Variants in VEGFC observed in about 807,000 individuals in gnomAD.
The protein encoded by VEGFC is FLT4 ligand DHM.
Under a neutral mutation model 46.1 loss-of-function variants are expected in VEGFC, and 12 were observed. That is an observed-to-expected ratio of 0.26 (90% CI 0.17 to 0.42). VEGFC has a LOEUF of 0.42. Among genes scored for constraint, VEGFC ranks in the 10% least tolerant of loss-of-function variants. The pLI, the probability that VEGFC is intolerant of heterozygous loss-of-function variation, is 1.00. For synonymous variants in VEGFC, 232 were observed against 195.5 expected (o/e 1.19, Z -1.56); for missense variants, 488 against 529.4 (o/e 0.92, Z 0.77).
intron 4 of VEGFC, among the ~76,000 whole-genome samples, chr4:176,692,384 A>C (rs1398113298): frequency 7.5e-6 from 1 of 132,946 alleles, no homozygotes; most frequent in Non-Finnish European, 1.5e-5. Context: ...ACAGAGCGAG[A>C]CTCCGTCTCA....
intron 4 of VEGFC, among the ~76,000 whole-genome samples, chr4:176,709,347 T>A (rs1448572839): frequency 2.0e-5 from 3 of 152,192 alleles, no homozygotes; most frequent in Non-Finnish European, 4.4e-5. Context: ...TTGAGTGTTG[T>A]TAGCTGAATG....
At chr4:176,788,744 C>T (rs1736042700) in intron 1 of VEGFC, among the ~76,000 whole-genome samples, 1 of 152,064 alleles carries the variant, frequency 6.6e-6, no homozygotes, top group Non-Finnish European at 1.5e-5. Flanking sequence ...CGACTTTGCA[C>T]CATTGTAAAG....
intron 1 of VEGFC, among the ~76,000 whole-genome samples, chr4:176,740,205 ATATATATC>A (rs933414685): frequency 8.1e-6 from 1 of 124,120 alleles, no homozygotes; most frequent in Non-Finnish European, 1.6e-5. Flanking sequence ...TATATATAGA[ATATATATC>A]TATATATAGA....
intron 1 of VEGFC, among the ~76,000 whole-genome samples, chr4:176,736,131 G>C (rs984513827): frequency 6.6e-6 from 1 of 151,818 alleles, no homozygotes; most frequent in Non-Finnish European, 1.5e-5. Flanking sequence ...AAAAATCTTG[G>C]AAGTAATTTG....
chr4:176,706,939 T>C (rs1254529899), intron 4 of VEGFC, among the ~76,000 whole-genome samples: 1 of 152,208 alleles, frequency 6.6e-6, no homozygotes, highest in Non-Finnish European at 1.5e-5. Flanking sequence ...TCTCTCACTC[T>C]AGAGTACATT....
At chr4:176,749,906 A>G (rs1281675185) in intron 1 of VEGFC, among the ~76,000 whole-genome samples, 2 of 151,812 alleles carry the variant, frequency 1.3e-5, no homozygotes, top group African/African-American at 4.8e-5. Context: ...TCTATAACAT[A>G]TTGTGTCTCT....
chr4:176,738,075 AT>A (rs781372659), intron 1 of VEGFC, among the ~76,000 whole-genome samples: 3 of 152,072 alleles, frequency 2.0e-5, no homozygotes, highest in African/African-American at 4.8e-5. Flanking sequence ...ATGGAAAAGC[AT>A]TTCATGCTCA....
In VEGFC at chr4:176,729,693, A is replaced by C. The variant is rs41278569; in HGVS notation, c.201T>G (p.Asp67Glu). The C allele has an allele frequency of 6.2e-7, 1 of 1,613,314 alleles. No individual in the cohort carries two copies. Among genetic ancestry groups the C allele is most frequent in the South Asian group, 1.1e-5 (1 of 90,996 alleles). ...CTGGGTAGAGTACAGTCATGAGTTC[A>C]TCTACACTGGACACAGACCGTAACT... ...EEQLRSVSSV[D>E]ELMTVLYPEY... Residue 67 changes from aspartate to glutamate, a missense_variant, in exon 2 of 7, where the codon GAT becomes GAG. Asp to Glu is a conservative substitution (Grantham distance 45). Coordinates refer to ENST00000618562, the MANE Select transcript of VEGFC (RefSeq NM_005429.5).
intron 3 of VEGFC, among the ~76,000 whole-genome samples, chr4:176,726,697 G>A (rs1579108357): frequency 6.6e-6 from 1 of 152,142 alleles, no homozygotes; most frequent in Non-Finnish European, 1.5e-5. Flanking sequence ...AATTGAGATA[G>A]TAATCTTAAC....
intron 1 of VEGFC, among the ~76,000 whole-genome samples, chr4:176,772,203 ATTAT>A (rs961420990): frequency 1.3e-5 from 2 of 152,204 alleles, no homozygotes; most frequent in African/African-American, 4.8e-5. Flanking sequence ...TTAATTTGAC[ATTAT>A]TTAATTGGTC....
intron 1 of VEGFC, among the ~76,000 whole-genome samples, chr4:176,735,838 A>C (rs1207642024): frequency 6.6e-6 from 1 of 151,856 alleles, no homozygotes; most frequent in African/African-American, 2.4e-5. Context: ...ATTTGAGAGG[A>C]CTGTGAAATT....
At chr4:176,788,803 T>C (rs977190733) in intron 1 of VEGFC, among the ~76,000 whole-genome samples, 6 of 152,178 alleles carry the variant, frequency 3.9e-5, no homozygotes, top group Non-Finnish European at 8.8e-5. Context: ...TGTTGGTATA[T>C]GCCATAAAAC....
intron 1 of VEGFC, among the ~76,000 whole-genome samples, chr4:176,767,699 T>C (rs1197527290): frequency 1.3e-5 from 2 of 151,336 alleles, no homozygotes; most frequent in Non-Finnish European, 2.9e-5. Context: ...TATTACTTGA[T>C]AGAGATTTTG....
At chr4:176,701,703 A>G (rs547131227) in intron 4 of VEGFC, among the ~76,000 whole-genome samples, 2 of 152,304 alleles carry the variant, frequency 1.3e-5, no homozygotes, top group African/African-American at 4.8e-5. Flanking sequence ...GCTTTATAGG[A>G]AAGGGGATGA....
At chr4:176,707,290 T>C (rs775816339) in intron 4 of VEGFC, among the ~76,000 whole-genome samples, 1 of 152,206 alleles carries the variant, frequency 6.6e-6, no homozygotes, top group Non-Finnish European at 1.5e-5. Context: ...ATTGGTGACA[T>C]AGGAGTTTTG....
intron 4 of VEGFC, among the ~76,000 whole-genome samples, chr4:176,695,863 A>C (rs60520086): frequency 1.3e-5 from 2 of 151,756 alleles, no homozygotes; most frequent in Non-Finnish European, 2.9e-5. Context: ...CAGCATATAA[A>C]CAGAGCCAAA....
At chr4:176,788,770 T>C (rs921116765) in intron 1 of VEGFC, among the ~76,000 whole-genome samples, 1 of 152,062 alleles carries the variant, frequency 6.6e-6, no homozygotes, top group Admixed American at 6.6e-5. Flanking sequence ...AAGTCCTAAA[T>C]AGAACCATTC....
chr4:176,707,717 C>G (rs1425819482), intron 4 of VEGFC, among the ~76,000 whole-genome samples: 1 of 152,032 alleles, frequency 6.6e-6, no homozygotes, highest in Non-Finnish European at 1.5e-5. Context: ...TTGGCCATTA[C>G]ATGAACAGCA....
At chr4:176,791,260 G>A (rs1171916197) in intron 1 of VEGFC, among the ~76,000 whole-genome samples, 1 of 152,054 alleles carries the variant, frequency 6.6e-6, no homozygotes, top group Non-Finnish European at 1.5e-5. Flanking sequence ...CTGAAATGTC[G>A]AATATAACTT....
Sources: gnomAD v4.1 joint callset for allele counts (sites outside exome capture counted in the v4.1 genomes callset) on GRCh38, gnomAD v4.1.1 for gene constraint, MANE v1.5 for transcripts, NCBI Gene and HGNC (gene_info 2026-07-23, HGNC 2026-07-21) for gene names.